RBFOX1: variants seen among roughly 807,000 people sequenced by gnomAD.
The protein encoded by RBFOX1 is RNA binding protein fox-1 homolog 1.
In RBFOX1, 8 loss-of-function variants were observed where a neutral mutation model predicts 57.7. The ratio of observed to expected loss-of-function variants is 0.14; its 90% CI spans 0.08 to 0.25. RBFOX1 has a LOEUF of 0.25. Ranked by LOEUF, RBFOX1 falls within the 10% of genes least tolerant of loss-of-function variation. RBFOX1 has a pLI of 1.00. For missense variants in RBFOX1, 611 were observed against 548.5 expected, an observed-to-expected ratio of 1.11 and a Z score of -1.14; for synonymous variants, 326 against 222.4, an observed-to-expected ratio of 1.47 and a Z score of -4.15.
chr16:6,100,968 G>C (rs140121136), intron 1 of RBFOX1, among the ~76,000 whole-genome samples: 1 of 152,070 alleles, frequency 6.6e-6, no homozygotes, highest in Admixed American at 6.6e-5. Flanking sequence ...TTTCCGTCTC[G>C]AAATTGTCAG....
intron 1 of RBFOX1, among the ~76,000 whole-genome samples, chr16:5,409,423 G>A (rs1268803741): frequency 6.6e-6 from 1 of 152,168 alleles, no homozygotes; most frequent in African/African-American, 2.4e-5. Flanking sequence ...TTAGGTCTCC[G>A]GAGGCTTTTT....
chr16:6,146,274 C>CT (rs1407686548), intron 1 of RBFOX1, among the ~76,000 whole-genome samples: 16 of 152,266 alleles, frequency 1.1e-4, no homozygotes, highest in African/African-American at 3.9e-4. Context: ...ATCCACGCTT[C>CT]TTTTTAAAAT....
chr16:7,501,125 C>T (rs2070693160), intron 4 of RBFOX1, among the ~76,000 whole-genome samples: 1 of 152,162 alleles, frequency 6.6e-6, no homozygotes, highest in South Asian at 2.1e-4. Context: ...TCTTTACTTG[C>T]AGTGTGAGAA....
chr16:6,383,294 A>G (rs943788335), intron 2 of RBFOX1, among the ~76,000 whole-genome samples: 3 of 152,244 alleles, frequency 2.0e-5, no homozygotes, highest in Non-Finnish European at 4.4e-5. Context: ...TAAACTTGGC[A>G]TCAGTTGACT....
At chr16:7,284,538 C>G (rs1038236381) in intron 4 of RBFOX1, among the ~76,000 whole-genome samples, 2 of 151,954 alleles carry the variant, frequency 1.3e-5, no homozygotes, top group African/African-American at 4.8e-5. Context: ...GCTATATTGT[C>G]CAGATTGATC....
intron 3 of RBFOX1, among the ~76,000 whole-genome samples, chr16:6,953,646 C>G (rs922358261): frequency 6.6e-6 from 1 of 152,136 alleles, no homozygotes; most frequent in East Asian, 1.9e-4. Flanking sequence ...CTCGGCCTCC[C>G]AAAGCGCTGG....
intron 4 of RBFOX1, among the ~76,000 whole-genome samples, chr16:5,876,415 A>G (rs2057612432): frequency 6.6e-6 from 1 of 152,200 alleles, no homozygotes; most frequent in Admixed American, 6.5e-5. Flanking sequence ...GTTGAGACTC[A>G]CACCCGAGGC....
chr16:6,185,368 T>C (rs1357225943), intron 1 of RBFOX1, among the ~76,000 whole-genome samples: 1 of 152,206 alleles, frequency 6.6e-6, no homozygotes, highest in Non-Finnish European at 1.5e-5. Context: ...TTCGAGGTGA[T>C]CTTATCCTGT....
intron 2 of RBFOX1, among the ~76,000 whole-genome samples, chr16:5,552,583 T>A (rs1260826228): frequency 6.6e-6 from 1 of 152,176 alleles, no homozygotes; most frequent in Non-Finnish European, 1.5e-5. Flanking sequence ...AATTTCAAAC[T>A]GTCAGAGGAT....
At chr16:6,525,470 C>G (rs1253836868) in intron 2 of RBFOX1, among the ~76,000 whole-genome samples, 1 of 152,180 alleles carries the variant, frequency 6.6e-6, no homozygotes, top group Non-Finnish European at 1.5e-5. Context: ...GATGTTTGTG[C>G]TCAAGTCAGG....
At chr16:7,627,555 T>C (rs542729958) in intron 10 of RBFOX1, among the ~76,000 whole-genome samples, 12 of 152,178 alleles carry the variant, frequency 7.9e-5, no homozygotes, top group Non-Finnish European at 1.5e-4. Context: ...AGATAGAAGA[T>C]CCAGCTCAGT....
chr16:5,329,406 A>T (rs2064681608), intron 1 of RBFOX1, among the ~76,000 whole-genome samples: 1 of 152,078 alleles, frequency 6.6e-6, no homozygotes, highest in Admixed American at 6.5e-5. Context: ...AAATAACCAG[A>T]TCTCACAATA....
intron 3 of RBFOX1, among the ~76,000 whole-genome samples, chr16:5,645,954 G>T (rs1437142282): frequency 6.6e-6 from 1 of 152,208 alleles, no homozygotes; most frequent in Non-Finnish European, 1.5e-5. Context: ...TCCTGCCCCA[G>T]GCTCCTGAGT....
At chr16:6,153,582 C>G (rs2096816397) in intron 1 of RBFOX1, among the ~76,000 whole-genome samples, 1 of 152,054 alleles carries the variant, frequency 6.6e-6, no homozygotes, top group Non-Finnish European at 1.5e-5. Flanking sequence ...GTTGCCCAGG[C>G]TGAAGTATAG....
intron 2 of RBFOX1, among the ~76,000 whole-genome samples, chr16:6,545,697 T>C (rs192904166): frequency 1.3e-5 from 2 of 152,320 alleles, no homozygotes; most frequent in Admixed American, 6.5e-5. Flanking sequence ...GTTAGTGGCA[T>C]TGCTGAATAA....
At chr16:7,144,656 C>G (rs1256858841) in intron 4 of RBFOX1, among the ~76,000 whole-genome samples, 1 of 152,040 alleles carries the variant, frequency 6.6e-6, no homozygotes, top group Non-Finnish European at 1.5e-5. Context: ...CCCTTCCTGC[C>G]AGCATTCATT....
chr16:6,206,183 C>T lies in RBFOX1; in HGVS notation c.-126-110812C>T, dbSNP rs528095339. ...TTTGAGCCTCCTCTCTTGCCTCTCT[C>T]CCCTGGCTCACTTTAGCGTTCTTGG... On this transcript the variant is annotated intron_variant, in intron 1 of 15. Transcript: ENST00000550418. 2.6e-5 allele frequency among the ~76,000 whole-genome samples: 4 copies of T among 152,256 alleles called. No individual in the cohort carries two copies. In the East Asian group the frequency reaches 5.8e-4, roughly 22 times the overall value.
At chr16:6,424,448 A>G (rs8053290) in intron 2 of RBFOX1, among the ~76,000 whole-genome samples, 5,684 of 152,206 alleles carry the variant, frequency 0.037, 380 homozygotes, top group African/African-American at 0.13. Flanking sequence ...ACATCTAACC[A>G]TGTATGGAAA....
At chr16:7,625,921 A>AAC (rs930450800) in intron 10 of RBFOX1, among the ~76,000 whole-genome samples, 46 of 152,316 alleles carry the variant, frequency 3.0e-4, no homozygotes, top group African/African-American at 1.1e-3. Context: ...TAGGAAGATA[A>AAC]ACACATGATT....
Sources: gnomAD v4.1 joint callset for allele counts (sites outside exome capture counted in the v4.1 genomes callset) on GRCh38, gnomAD v4.1.1 for gene constraint, MANE v1.5 for transcripts, NCBI Gene and HGNC (gene_info 2026-07-23, HGNC 2026-07-21) for gene names.